Variants in MSRB3 observed in about 807,000 individuals in gnomAD.
The protein encoded by MSRB3 is methionine-R-sulfoxide reductase B3.
MSRB3 carries 13 observed loss-of-function variants against 21.0 expected under a neutral mutation model. The observed-to-expected ratio is 0.62, with a 90% CI of 0.40 to 0.98. MSRB3 has a LOEUF of 0.98. Ranked by LOEUF, MSRB3 falls within the 50% of genes least tolerant of loss-of-function variation. The pLI, the probability that MSRB3 is intolerant of heterozygous loss-of-function variation, is 0.00. For synonymous variants in MSRB3, 87 were observed against 88.6 expected (o/e 0.98, Z 0.10); for missense variants, 199 against 230.3 (o/e 0.86, Z 0.88).
At chr12:65,335,245 C>T (rs973669220) in intron 4 of MSRB3, among the ~76,000 whole-genome samples, 7 of 152,200 alleles carry the variant, frequency 4.6e-5, no homozygotes, top group African/African-American at 1.7e-4. Context: ...CATACTATCA[C>T]AGCAGCCTAA....
intron 5 of MSRB3, among the ~76,000 whole-genome samples, chr12:65,424,804 T>C (rs1592625437): frequency 6.6e-6 from 1 of 150,858 alleles, no homozygotes; most frequent in Non-Finnish European, 1.5e-5. Flanking sequence ...TAGAACGTTT[T>C]GTACATGTCT....
intron 1 of MSRB3, among the ~76,000 whole-genome samples, chr12:65,300,037 T>C (rs1873221351): frequency 6.6e-6 from 1 of 152,222 alleles, no homozygotes; most frequent in African/African-American, 2.4e-5. Flanking sequence ...GCAAATGGAT[T>C]GATTTTCCTT....
At chr12:65,332,292 G>GGTGTGT (rs369716664) in intron 4 of MSRB3, among the ~76,000 whole-genome samples, 5 of 150,250 alleles carry the variant, frequency 3.3e-5, no homozygotes, top group Non-Finnish European at 7.4e-5. Flanking sequence ...AAACAATTGA[G>GGTGTGT]GTGTGTGTGT....
intron 5 of MSRB3, chr12:65,418,700 A>G (rs1172537954): frequency 1.0e-5 from 8 of 780,568 alleles, no homozygotes; most frequent in African/African-American, 6.8e-5. Flanking sequence ...AGCTCCCCAG[A>G]GAGTACCCTG....
intron 4 of MSRB3, among the ~76,000 whole-genome samples, chr12:65,366,377 A>C (rs1878015968): frequency 6.6e-6 from 1 of 152,164 alleles, no homozygotes; most frequent in African/African-American, 2.4e-5. Context: ...GTAGCAACTT[A>C]AGGCCATTTG....
At chr12:65,325,170 A>G (rs1874933301) in intron 2 of MSRB3, among the ~76,000 whole-genome samples, 1 of 152,232 alleles carries the variant, frequency 6.6e-6, no homozygotes, top group South Asian at 2.1e-4. Context: ...CTTTGCATTC[A>G]AGCTATTGAG....
At chr12:65,369,150 G>T in intron 5 of MSRB3, 124 bp downstream of exon 5, 1 of 716,190 alleles carries the variant, frequency 1.4e-6, no homozygotes, top group South Asian at 1.7e-5. Context: ...TCCAAAATGT[G>T]AGTCCCACCT....
intron 5 of MSRB3, among the ~76,000 whole-genome samples, chr12:65,434,591 T>C (rs1882035291): frequency 6.6e-6 from 1 of 151,782 alleles, no homozygotes; most frequent in African/African-American, 2.4e-5. Context: ...CTTGGAGTTG[T>C]AAAAATTCCA....
At position 65,346,613 on chromosome 12, in the gene MSRB3, G is replaced by T. The variant is rs868559038; in HGVS notation, c.263+18010G>T. 8.6e-3 allele frequency among the ~76,000 whole-genome samples: 1,303 copies of T among 152,088 alleles called. 19 individuals are homozygous for T. Among genetic ancestry groups the T allele is most frequent in the African/African-American group, 0.029 (1,210 of 41,494 alleles). On this transcript the variant is annotated intron_variant, in intron 4 of 6. Transcript: ENST00000308259. ...AATTAGATCCCATTTGTCAATTTTG[G>T]CTTTTGTTGCCATTGCTTTTGGTGT... is the stretch of plus-strand genomic sequence containing the variant.
intron 1 of MSRB3, among the ~76,000 whole-genome samples, chr12:65,303,868 C>T (rs972754576): frequency 1.3e-5 from 2 of 151,916 alleles, no homozygotes; most frequent in African/African-American, 4.8e-5. Flanking sequence ...GGATCTGGAA[C>T]GAAGACATGG....
intron 5 of MSRB3, among the ~76,000 whole-genome samples, chr12:65,374,198 A>C (rs1037889395): frequency 6.6e-6 from 1 of 152,220 alleles, no homozygotes. Flanking sequence ...TTTTAAACTC[A>C]TAACATTGAA....
At chr12:65,322,736 T>G (rs1273151086) in intron 2 of MSRB3, among the ~76,000 whole-genome samples, 1 of 151,782 alleles carries the variant, frequency 6.6e-6, no homozygotes. Flanking sequence ...AGCCCTGGGT[T>G]TGAGTTGATA....
intron 5 of MSRB3, among the ~76,000 whole-genome samples, chr12:65,382,839 A>C (rs904084160): frequency 4.6e-5 from 7 of 151,960 alleles, no homozygotes; most frequent in Admixed American, 2.6e-4. Flanking sequence ...TGTTATACAC[A>C]CACCCCCACC....
chr12:65,407,584 T>G (rs1165077876), intron 5 of MSRB3, among the ~76,000 whole-genome samples: 1 of 152,172 alleles, frequency 6.6e-6, no homozygotes, highest in Non-Finnish European at 1.5e-5. Flanking sequence ...GATATATGGT[T>G]TGGTGTCTGT....
intron 6 of MSRB3, among the ~76,000 whole-genome samples, chr12:65,455,126 T>C (rs1038314171): frequency 5.3e-5 from 8 of 152,078 alleles, no homozygotes; most frequent in African/African-American, 1.9e-4. Context: ...CCTTTATCCA[T>C]TTTTCTTTAA....
intron 2 of MSRB3, among the ~76,000 whole-genome samples, chr12:65,324,499 C>G (rs1874888910): frequency 6.6e-6 from 1 of 152,050 alleles, no homozygotes; most frequent in South Asian, 2.1e-4. Flanking sequence ...CTTCAATACC[C>G]TTCATTCACT....
chr12:65,401,523 TC>T (rs1450326703), intron 5 of MSRB3, among the ~76,000 whole-genome samples: 1 of 152,220 alleles, frequency 6.6e-6, no homozygotes, highest in African/African-American at 2.4e-5. Context: ...GAGATGGGTA[TC>T]CTGAATACAG....
intron 5 of MSRB3, among the ~76,000 whole-genome samples, chr12:65,434,476 A>AC (rs1331791686): frequency 6.6e-6 from 1 of 151,906 alleles, no homozygotes; most frequent in African/African-American, 2.4e-5. Context: ...TTATTGTATA[A>AC]TAGGTGTTGA....
chr12:65,328,362 T>A (rs551000300), intron 3 of MSRB3, among the ~76,000 whole-genome samples, 164 bp from the exon 4 acceptor site: 49 of 152,288 alleles, frequency 3.2e-4, no homozygotes, highest in African/African-American at 1.1e-3. Flanking sequence ...ATTATATAGA[T>A]TTGAAATATA....
Sources: gnomAD v4.1 joint callset for allele counts (sites outside exome capture counted in the v4.1 genomes callset) on GRCh38, gnomAD v4.1.1 for gene constraint, MANE v1.5 for transcripts, NCBI Gene and HGNC (gene_info 2026-07-23, HGNC 2026-07-21) for gene names.